The following GRIA1 variants were observed in gnomAD, a reference collection of about 807,000 sequenced individuals.
The protein encoded by GRIA1 is glutamate ionotropic receptor AMPA type subunit 1.
A neutral mutation model predicts 99.2 loss-of-function variants in GRIA1; 31 were observed. The ratio of observed to expected loss-of-function variants is 0.31; its 90% CI spans 0.23 to 0.42. The LOEUF (loss-of-function observed/expected upper bound fraction) is 0.42. GRIA1 is among the 10% of genes least tolerant of loss of function. The probability of loss-of-function intolerance (pLI) is 1.00; values close to 1 mark genes in which losing one functional copy is unlikely to be tolerated. For synonymous variants in GRIA1, 438 were observed against 432.4 expected, an observed-to-expected ratio of 1.01 and a Z score of -0.16; for missense variants, 782 against 1,157.5, an observed-to-expected ratio of 0.68 and a Z score of 4.71.
chr5:153,724,294 G>A lies in GRIA1; in HGVS notation c.1823+18227G>A, dbSNP rs868661177. Reference sequence around the variant, plus strand: ...AAGTAGATAAAACCACAAAGATGGGGAAAAAAACAGAGCAGAAAAACTGGA... The same window carrying A: ...AAGTAGATAAAACCACAAAGATGGGAAAAAAAACAGAGCAGAAAAACTGGA... On this transcript the variant is annotated intron_variant, in intron 11 of 15. Transcript: ENST00000285900. Among the ~76,000 whole-genome samples the A allele has an allele frequency of 2.7e-5, 4 of 150,760 alleles. No homozygotes were observed. The East Asian group carries it at 6.0e-4, about 22-fold the overall frequency.
At chr5:153,679,326 T>C (rs989101965) in intron 7 of GRIA1, among the ~76,000 whole-genome samples, 11 of 152,256 alleles carry the variant, frequency 7.2e-5, no homozygotes, top group Admixed American at 2.0e-4. Context: ...ATTCTGACCT[T>C]AAGATCAGAG....
chr5:153,528,882 TG>T (rs1382622487), intron 2 of GRIA1, among the ~76,000 whole-genome samples: 1 of 152,166 alleles, frequency 6.6e-6, no homozygotes, highest in Non-Finnish European at 1.5e-5. Flanking sequence ...TGCCCCCACT[TG>T]CTTTGAATCA....
At chr5:153,696,489 G>T (rs918634373) in intron 8 of GRIA1, among the ~76,000 whole-genome samples, 1 of 152,190 alleles carries the variant, frequency 6.6e-6, no homozygotes, top group Non-Finnish European at 1.5e-5. Flanking sequence ...GAAATGGCAT[G>T]AAAACTGTTG....
chr5:153,774,079 CACA>C lies in GRIA1; in HGVS notation c.2270+3665_2270+3667del, dbSNP rs373518894. On this transcript the variant is annotated intron_variant, in intron 13 of 15. Coordinates refer to ENST00000285900, the MANE Select transcript of GRIA1 (RefSeq NM_000827.4). ...CCTACACCCCAACCCCCCCTCCCCC[CACA>C]CACACACACACACTCCAGCCAAGTT... Among the ~76,000 whole-genome samples the C allele has an allele frequency of 2.2e-4, 26 of 118,592 alleles. 1 individual carries two copies. The highest frequency in any genetic ancestry group is 3.3e-4 in the African/African-American group (10 of 30,004). 77.8% of individuals were successfully genotyped at this position (118,592 alleles called of 152,430 possible). A position where few individuals can be genotyped will look rare whatever the true frequency, so the allele number is the denominator to read the frequency against.
chr5:153,490,625 C>T (rs900363824), upstream of GRIA1: 42 of 517,858 alleles, frequency 8.1e-5, 1 homozygote, highest in Non-Finnish European at 1.3e-4. Flanking sequence ...AGTGGGGGAG[C>T]CAGCGCTCCA....
chr5:153,777,528 G>A (rs1248821498), intron 13 of GRIA1, among the ~76,000 whole-genome samples: 1 of 152,042 alleles, frequency 6.6e-6, no homozygotes, highest in Non-Finnish European at 1.5e-5. Context: ...ATAGCATGAA[G>A]TGCCCATTAC....
chr5:153,746,316 G>GA (rs1218750652), intron 11 of GRIA1, among the ~76,000 whole-genome samples: 3 of 151,894 alleles, frequency 2.0e-5, no homozygotes, highest in Admixed American at 6.6e-5. Context: ...TGAGTAGGGT[G>GA]AAAAAATACC....
At chr5:153,635,545 T>C (rs912230642) in intron 2 of GRIA1, among the ~76,000 whole-genome samples, 8 of 152,178 alleles carry the variant, frequency 5.3e-5, no homozygotes, top group African/African-American at 1.9e-4. Flanking sequence ...CAGATGAGGC[T>C]GAGTGAACAC....
chr5:153,628,228 TGA>T (rs1038843634), intron 2 of GRIA1, among the ~76,000 whole-genome samples: 2 of 152,158 alleles, frequency 1.3e-5, no homozygotes, highest in Non-Finnish European at 2.9e-5. Context: ...AGGATTGGAA[TGA>T]GAGATAGAGC....
intron 2 of GRIA1, among the ~76,000 whole-genome samples, chr5:153,571,327 C>T (rs753936087): frequency 1.3e-5 from 2 of 152,084 alleles, no homozygotes; most frequent in Non-Finnish European, 2.9e-5. Flanking sequence ...GGCAGGCAGA[C>T]AGGAGTGGGG....
At chr5:153,784,738 G>T (rs1764864557) in intron 13 of GRIA1, among the ~76,000 whole-genome samples, 1 of 152,116 alleles carries the variant, frequency 6.6e-6, no homozygotes, top group South Asian at 2.1e-4. Flanking sequence ...AGTCCTATGG[G>T]GTCTGAGTTG....
intron 11 of GRIA1, among the ~76,000 whole-genome samples, chr5:153,753,793 A>G (rs1762648281): frequency 6.6e-6 from 1 of 152,032 alleles, no homozygotes; most frequent in Non-Finnish European, 1.5e-5. Flanking sequence ...AGGCAGACAG[A>G]CCTCCAAGGG....
chr5:153,583,518 G>T (rs1763223197), intron 2 of GRIA1, among the ~76,000 whole-genome samples: 1 of 151,980 alleles, frequency 6.6e-6, no homozygotes, highest in Non-Finnish European at 1.5e-5. Flanking sequence ...TCACCACATG[G>T]CTCTTTCCCC....
upstream of GRIA1, chr5:153,489,661 C>T (rs1371316567): frequency 3.5e-6 from 1 of 284,600 alleles, no homozygotes; most frequent in Middle Eastern, 5.3e-4. Flanking sequence ...TTGCATTTAA[C>T]ACTACTATCC....
chr5:153,772,133 G>T (rs755421343), intron 13 of GRIA1, among the ~76,000 whole-genome samples: 54 of 152,236 alleles, frequency 3.5e-4, no homozygotes, highest in Middle Eastern at 3.4e-3. Flanking sequence ...ATAAAAATCA[G>T]CAGCTGATTC....
intron 2 of GRIA1, among the ~76,000 whole-genome samples, chr5:153,610,596 C>T (rs1011387181): frequency 9.2e-5 from 14 of 152,132 alleles, no homozygotes; most frequent in Admixed American, 3.9e-4. Flanking sequence ...TAATTGTGGT[C>T]GAGAGTGTAG....
chr5:153,499,927 G>A (rs1417808035), intron 2 of GRIA1, among the ~76,000 whole-genome samples: 1 of 152,168 alleles, frequency 6.6e-6, no homozygotes, highest in Non-Finnish European at 1.5e-5. Flanking sequence ...ACCATGTGGT[G>A]GAGATTTGGG....
chr5:153,712,208 T>C (rs571690996), intron 11 of GRIA1, among the ~76,000 whole-genome samples: 30 of 152,272 alleles, frequency 2.0e-4, no homozygotes, highest in African/African-American at 7.2e-4. Context: ...TGTGCCACCA[T>C]GCCCAGCTAA....
chr5:153,656,381 GTTTATA>G (rs1754950950), intron 5 of GRIA1, among the ~76,000 whole-genome samples: 1 of 31,226 alleles, frequency 3.2e-5, no homozygotes, highest in Non-Finnish European at 5.8e-5. Context: ...AGATAAGTTT[GTTTATA>G]TATATATATA....
Sources: gnomAD v4.1 joint callset for allele counts (sites outside exome capture counted in the v4.1 genomes callset) on GRCh38, gnomAD v4.1.1 for gene constraint, MANE v1.5 for transcripts, NCBI Gene and HGNC (gene_info 2026-07-23, HGNC 2026-07-21) for gene names.